VAPB: variants seen among roughly 807,000 people sequenced by gnomAD.
VAPB encodes the protein vesicle-associated membrane protein-associated protein B/C.
Under a neutral mutation model 25.6 loss-of-function variants are expected in VAPB, and 7 were observed. That is an observed-to-expected ratio of 0.27 (90% confidence interval 0.16 to 0.51). VAPB has a LOEUF of 0.51. Among genes scored for constraint, VAPB ranks in the 20% least tolerant of loss-of-function variants. The pLI is 0.97. For synonymous variants in VAPB, 112 were observed against 109.2 expected (o/e 1.03, Z -0.16); for missense variants, 266 against 301.3 (o/e 0.88, Z 0.87).
chr20:58,404,155 A>G (rs1410879397), intron 1 of VAPB, among the ~76,000 whole-genome samples: 1 of 152,174 alleles, frequency 6.6e-6, no homozygotes, highest in Non-Finnish European at 1.5e-5. Flanking sequence ...TTTTTCTAAA[A>G]ATTGAAATTT....
intron 2 of VAPB, chr20:58,431,577 C>CA (rs1988929574): frequency 6.8e-6 from 1 of 147,046 alleles, no homozygotes; most frequent in Non-Finnish European, 1.5e-5. Flanking sequence ...TTTGTTTTTT[C>CA]TTTTTTTTTA....
Position 58,451,006 on chromosome 20 carries a change from T to C in VAPB, c.*6771T>C, listed in dbSNP as rs757100122. The C allele has an allele frequency of 2.2e-6, 1 of 453,076 alleles. No individual in the cohort carries two copies. The highest frequency in any genetic ancestry group is 1.6e-5 in the South Asian group (1 of 64,318). The allele number at this position is 453,076 out of a possible 1,614,324, so 28.1% of individuals were successfully genotyped here. A position where few individuals can be genotyped will look rare whatever the true frequency, so the allele number is the denominator to read the frequency against. ...CAGCATGTTCTCCCATGTTCCATTA[T>C]CAGCCTGATGAAACCTGCCCTGCCA... On this transcript the variant is annotated 3_prime_UTR_variant, in exon 6 of 6. Transcript: ENST00000475243.
Position 58,446,823 on chromosome 20 carries a change from A to G in VAPB, c.*2588A>G. The G allele has an allele frequency of 2.2e-6, 1 of 454,138 alleles. No homozygotes were observed. Among genetic ancestry groups the G allele is most frequent in the South Asian group, 1.6e-5 (1 of 64,472 alleles). 28.1% of individuals were successfully genotyped at this position (454,138 alleles called of 1,614,324 possible). A position where few individuals can be genotyped will look rare whatever the true frequency, so the allele number is the denominator to read the frequency against. On this transcript the variant is annotated 3_prime_UTR_variant, in exon 6 of 6. Transcript: ENST00000475243. ...TCCTGGCAGCCAAAAATGTGCCAGG[A>G]AAAGAAAGAATGTGGAGCACGCGTG...
At chr20:58,411,015 TAA>T (rs1468793386) in intron 1 of VAPB, among the ~76,000 whole-genome samples, 1 of 152,226 alleles carries the variant, frequency 6.6e-6, no homozygotes, top group Non-Finnish European at 1.5e-5. Context: ...TGTGTGGATA[TAA>T]GTTTTCAACT....
intron 1 of VAPB, among the ~76,000 whole-genome samples, chr20:58,415,597 T>TA (rs1222099256): frequency 7.9e-5 from 12 of 152,352 alleles, no homozygotes; most frequent in Middle Eastern, 3.4e-3. Context: ...CATTTTTTTT[T>TA]ATCTCTAAAA....
intron 2 of VAPB, among the ~76,000 whole-genome samples, chr20:58,423,426 A>G (rs1417958585): frequency 1.4e-5 from 2 of 143,726 alleles, no homozygotes; most frequent in Non-Finnish European, 3.0e-5. Context: ...AAAAAAAAAA[A>G]AAAAAAAAAA....
intron 2 of VAPB, among the ~76,000 whole-genome samples, chr20:58,421,945 G>A (rs1988677968): frequency 6.6e-6 from 1 of 152,136 alleles, no homozygotes; most frequent in Admixed American, 6.5e-5. Flanking sequence ...TTCAGGCTCT[G>A]ACCTATCATG....
At chr20:58,424,562 A>G (rs529556035) in intron 2 of VAPB, among the ~76,000 whole-genome samples, 4 of 152,356 alleles carry the variant, frequency 2.6e-5, no homozygotes, top group African/African-American at 9.6e-5. Flanking sequence ...ACATAAGAGT[A>G]ATCAGAAAAG....
Position 58,447,984 on chromosome 20 carries a change from C to T in VAPB, c.*3749C>T, listed in dbSNP as rs1159890866. On this transcript the variant is annotated 3_prime_UTR_variant, in exon 6 of 6. Coordinates refer to ENST00000475243, the MANE Select transcript of VAPB (RefSeq NM_004738.5). ...CTTCCCCCTGCTGGAGATGGCATTTCATTGAAGGGCCTCTCGTGGCTTTCC... is the reference window on the plus strand; with the variant it reads ...CTTCCCCCTGCTGGAGATGGCATTTTATTGAAGGGCCTCTCGTGGCTTTCC... 8.8e-6 allele frequency: 4 copies of T among 453,850 alleles called. No homozygotes were observed. Among genetic ancestry groups the T allele is most frequent in the African/African-American group, 2.0e-5 (1 of 49,942 alleles). 28.1% of individuals were successfully genotyped at this position (453,850 alleles called of 1,614,324 possible).
intron 5 of VAPB, among the ~76,000 whole-genome samples, chr20:58,443,214 G>T (rs908946658): frequency 6.6e-6 from 1 of 152,166 alleles, no homozygotes; most frequent in African/African-American, 2.4e-5. Context: ...GTATGAAAAA[G>T]AATGTTGCTT....
rs538140969 is a variant in VAPB at position 58,414,552 on chromosome 20, G to A, written c.59-3659G>A. ...TGCTCCTCACCTCCCAGACGGGGTC[G>A]TGGCCGGGCAGAGGCGCTCCTCACA... is the stretch of plus-strand genomic sequence containing the variant. On this transcript the variant is annotated intron_variant, in intron 1 of 5. Coordinates refer to ENST00000475243, the MANE Select transcript of VAPB (RefSeq NM_004738.5). Among the ~76,000 whole-genome samples the A allele has an allele frequency of 8.5e-3, 1,296 of 151,678 alleles. 15 individuals carry two copies. The highest frequency in any genetic ancestry group is 0.03 in the African/African-American group (1,239 of 41,366).
Position 58,445,726 on chromosome 20 carries a change from TTTTTTTG to T in VAPB, c.*1492_*1498del. 1 of 452,780 alleles carries T rather than the reference TTTTTTTG, an allele frequency of 2.2e-6. No individual in the cohort carries two copies. Among genetic ancestry groups the T allele is most frequent in the South Asian group, 1.6e-5 (1 of 64,386 alleles). The allele number at this position is 452,780 out of a possible 1,614,324, so 28.0% of individuals were successfully genotyped here. ...TGTGTGTGTGTGTGTGTGTGTATTT[TTTTTTTG>T]GTTGTCTTCAGCTGACAGTATGAAA... On this transcript the variant is annotated 3_prime_UTR_variant, in exon 6 of 6. Coordinates refer to ENST00000475243, the MANE Select transcript of VAPB (RefSeq NM_004738.5).
Position 58,448,295 on chromosome 20 carries a change from G to T in VAPB, c.*4060G>T. On this transcript the variant is annotated 3_prime_UTR_variant, in exon 6 of 6. Coordinates refer to ENST00000475243, the MANE Select transcript of VAPB (RefSeq NM_004738.5). Reference sequence around the variant, plus strand: ...AGATCATGCTGGCCCTACGCGAATTGAGTTTCTGTGGCCTAATTGGATTTG... The same window carrying T: ...AGATCATGCTGGCCCTACGCGAATTTAGTTTCTGTGGCCTAATTGGATTTG... The T allele has an allele frequency of 2.2e-6, 1 of 453,656 alleles. No homozygotes were observed. Among genetic ancestry groups the T allele is most frequent in the Non-Finnish European group, 4.4e-6 (1 of 226,452 alleles). 28.1% of individuals were successfully genotyped at this position (453,656 alleles called of 1,614,324 possible).
chr20:58,391,677 C>T (rs1361993145), intron 1 of VAPB, among the ~76,000 whole-genome samples: 1 of 152,154 alleles, frequency 6.6e-6, no homozygotes, highest in East Asian at 1.9e-4. Context: ...TACATACAGG[C>T]ATGTGCCACT....
chr20:58,433,598 A>AC lies in VAPB; in HGVS notation c.212-1002dup, dbSNP rs200669070. Reference sequence around the variant, plus strand: ...TGAGTCTGCACTCCACCAAGGTGTAACCTTGGGCAAATTCACCTCTCTGTG... The same window carrying AC: ...TGAGTCTGCACTCCACCAAGGTGTAACCCTTGGGCAAATTCACCTCTCTGTG... On this transcript the variant is annotated intron_variant, in intron 2 of 5. Transcript: ENST00000475243. Among the ~76,000 whole-genome samples, 394 of 152,306 alleles carry AC rather than the reference A, an allele frequency of 2.6e-3. 1 individual carries two copies. Among genetic ancestry groups the AC allele is most frequent in the African/African-American group, 8.6e-3 (356 of 41,560 alleles).
chr20:58,436,565 G>C (rs552984568), intron 3 of VAPB, among the ~76,000 whole-genome samples: 1 of 151,936 alleles, frequency 6.6e-6, no homozygotes, highest in East Asian at 1.9e-4. Context: ...GGACTCAAGC[G>C]ATCTGCCCAC....
At chr20:58,405,637 G>T (rs1464616797) in intron 1 of VAPB, among the ~76,000 whole-genome samples, 3 of 149,256 alleles carry the variant, frequency 2.0e-5, no homozygotes, top group East Asian at 2.0e-4. Context: ...AGTAGACAGG[G>T]TTTCACCATG....
chr20:58,400,064 T>C (rs554142688), intron 1 of VAPB, among the ~76,000 whole-genome samples: 1 of 152,360 alleles, frequency 6.6e-6, no homozygotes, highest in African/African-American at 2.4e-5. Context: ...TGAGAGGCCT[T>C]TGCAGAAGGC....
At chr20:58,406,321 TG>T (rs1418506982) in intron 1 of VAPB, among the ~76,000 whole-genome samples, 1 of 152,182 alleles carries the variant, frequency 6.6e-6, no homozygotes, top group East Asian at 1.9e-4. Context: ...CTTTGAAGAA[TG>T]AGCATAATTT....
Sources: gnomAD v4.1 joint callset for allele counts (sites outside exome capture counted in the v4.1 genomes callset) on GRCh38, gnomAD v4.1.1 for gene constraint, MANE v1.5 for transcripts, NCBI Gene and HGNC (gene_info 2026-07-23, HGNC 2026-07-21) for gene names.